TENM1: variants seen among roughly 807,000 people sequenced by gnomAD.
TENM1 encodes the protein teneurin transmembrane protein 1, also known as teneurin-1.
TENM1 carries 35 observed loss-of-function variants against 174.8 expected under a neutral mutation model. The ratio of observed to expected loss-of-function variants is 0.20; its 90% CI spans 0.15 to 0.27. The LOEUF (loss-of-function observed/expected upper bound fraction) is 0.27, where lower values mean the gene tolerates loss of function less well. Ranked by LOEUF, TENM1 falls within the 10% of genes least tolerant of loss-of-function variation. TENM1 has a pLI of 1.00. For synonymous variants in TENM1, 781 were observed against 798.7 expected (o/e 0.98, Z 0.37); for missense variants, 1,633 against 2,130.1 (o/e 0.77, Z 4.59).
the TENM1 span, among the ~76,000 whole-genome samples, chrX:125,153,611 AAAACTGGGATTT>A: frequency 1.8e-5 from 2 of 112,278 alleles, no homozygotes; most frequent in African/African-American, 6.5e-5. Flanking sequence ...CCAACTGCAT[AAAACTGGGATTT>A]TCAGATTAAG....
At chrX:124,811,059 C>G in intron 3 of TENM1, among the ~76,000 whole-genome samples, 1 of 111,000 alleles carries the variant, frequency 9.0e-6, no homozygotes, top group Admixed American at 9.6e-5. Context: ...AGTGGATAAA[C>G]TATAAAATGA....
chrX:124,851,963 C>T (rs146059143), intron 3 of TENM1, among the ~76,000 whole-genome samples: 1,907 of 110,512 alleles, frequency 0.017, 30 homozygotes, highest in African/African-American at 0.06. Flanking sequence ...GGTGACTTAC[C>T]TTGTGAGATT....
rs773777040 is a variant in TENM1 at position 124,758,373 on chromosome X, G to C, written c.536-21176C>G. Among the ~76,000 whole-genome samples, 6 of 111,306 alleles carry C rather than the reference G, an allele frequency of 5.4e-5. No homozygotes were observed. The South Asian group carries it at 2.3e-3, about 43-fold the overall frequency. ...TACCCATTAGGATGGCCAGTATAAA[G>C]AAAAATGGAAAATAAAGTGTTGGTG... On this transcript the variant is annotated intron_variant, in intron 3 of 31. Coordinates refer to ENST00000422452, the Ensembl canonical transcript of TENM1.
chrX:125,043,207 T>C, the TENM1 span, among the ~76,000 whole-genome samples: 2 of 88,890 alleles, frequency 2.2e-5, no homozygotes, highest in African/African-American at 8.3e-5. Context: ...CAAAAGAAAC[T>C]ACCATCAGAG....
intron 23 of TENM1, among the ~76,000 whole-genome samples, chrX:124,441,383 G>A (rs1006021980): frequency 5.3e-5 from 6 of 112,516 alleles, no homozygotes; most frequent in Admixed American, 2.8e-4. Context: ...TTATTCAGTA[G>A]TCATCACTTT....
At chrX:124,876,942 G>A (rs985797166) in intron 3 of TENM1, among the ~76,000 whole-genome samples, 2 of 111,421 alleles carry the variant, frequency 1.8e-5, no homozygotes, top group Non-Finnish European at 3.8e-5. Flanking sequence ...TCCTGATTCT[G>A]CTATTTTACT....
Position 124,848,019 on chromosome X carries a change from T to C in TENM1, c.535+46277A>G, listed in dbSNP as rs150860706. Among the ~76,000 whole-genome samples the C allele has an allele frequency of 3.4e-3, 383 of 111,320 alleles. 2 individuals are homozygous for C. The highest frequency in any genetic ancestry group is 0.012 in the African/African-American group (365 of 30,683). On this transcript the variant is annotated intron_variant, in intron 3 of 31. Coordinates refer to ENST00000422452, the Ensembl canonical transcript of TENM1. ...ACTTGTTTTAAGGGGTCTCTAATCA[T>C]GTAATCACAGGTGCTTTGGAAATGG...
At chrX:124,704,952 A>G in intron 5 of TENM1, 61 bp downstream of exon 8, 7 of 956,950 alleles carry the variant, frequency 7.3e-6, no homozygotes, top group Non-Finnish European at 1.0e-5. Context: ...CCCCATTCCC[A>G]CCACAAGCAA....
intron 3 of TENM1, among the ~76,000 whole-genome samples, chrX:124,826,262 A>G (rs1207736789): frequency 1.8e-5 from 2 of 110,146 alleles, no homozygotes; most frequent in Non-Finnish European, 3.8e-5. Flanking sequence ...TTGAAAAATT[A>G]GCCTGGCGTG....
intron 1 of TENM1, among the ~76,000 whole-genome samples, chrX:124,934,730 A>C (rs2147729830): frequency 8.9e-6 from 1 of 111,735 alleles, no homozygotes; most frequent in Non-Finnish European, 1.9e-5. Flanking sequence ...AATATAATTG[A>C]ATTTTGAGTA....
chrX:124,854,293 G>A (rs918461899), intron 3 of TENM1, among the ~76,000 whole-genome samples: 1 of 111,395 alleles, frequency 9.0e-6, no homozygotes, highest in African/African-American at 3.3e-5. Flanking sequence ...TTATAGGTGG[G>A]AGCTAAGCTA....
intron 11 of TENM1, among the ~76,000 whole-genome samples, chrX:124,589,131 T>C (rs2049655694): frequency 9.1e-6 from 1 of 109,658 alleles, no homozygotes; most frequent in Non-Finnish European, 1.9e-5. Context: ...TTTTGGAGTT[T>C]ATAAAAAGCT....
chrX:125,102,401 G>GA, the TENM1 span, among the ~76,000 whole-genome samples: 5 of 302 alleles, frequency 0.017, no homozygotes, highest in African/African-American at 0.074. Flanking sequence ...TAAAGAAACA[G>GA]AAAAAAACCC....
At chrX:124,696,872 G>A (rs2052663669) in intron 5 of TENM1, among the ~76,000 whole-genome samples, 1 of 111,201 alleles carries the variant, frequency 9.0e-6, no homozygotes, top group Non-Finnish European at 1.9e-5. Flanking sequence ...AAAGAGCAAA[G>A]TCTTTGTCTG....
chrX:124,982,125 G>A, the TENM1 span, among the ~76,000 whole-genome samples: 1 of 71,345 alleles, frequency 1.4e-5, no homozygotes, highest in Non-Finnish European at 2.4e-5. Flanking sequence ...TTTTCTCTAC[G>A]TGTAAAACAA....
the TENM1 span, among the ~76,000 whole-genome samples, chrX:125,105,719 G>A: frequency 9.0e-6 from 1 of 111,708 alleles, no homozygotes; most frequent in South Asian, 3.8e-4. Flanking sequence ...GATGGTTCTA[G>A]ATCACTGGGG....
chrX:124,423,651 G>C (rs1236196776), intron 23 of TENM1, among the ~76,000 whole-genome samples: 7 of 110,917 alleles, frequency 6.3e-5, no homozygotes, highest in South Asian at 3.9e-4. Flanking sequence ...TGGAAGTTGA[G>C]GGGGGAGGGG....
At chrX:125,120,412 G>A in the TENM1 span, among the ~76,000 whole-genome samples, 12 of 110,712 alleles carry the variant, frequency 1.1e-4, no homozygotes, top group East Asian at 1.4e-3. Flanking sequence ...CTATCAACCC[G>A]TCAGCTAGGT....
At chrX:125,201,848 G>C in the TENM1 span, among the ~76,000 whole-genome samples, 1 of 111,752 alleles carries the variant, frequency 8.9e-6, no homozygotes, top group Non-Finnish European at 1.9e-5. Context: ...TCACAAAATA[G>C]TGTTATGAAC....
Sources: allele counts gnomAD v4.1 joint callset (sites outside exome capture counted in the v4.1 genomes callset), GRCh38; gene constraint gnomAD v4.1.1; transcripts MANE v1.5; gene names NCBI Gene and HGNC (gene_info 2026-07-23, HGNC 2026-07-21).